MMP16: variants seen among roughly 807,000 people sequenced by gnomAD.
MMP16 encodes the protein matrix metallopeptidase 16.
A neutral mutation model predicts 67.8 loss-of-function variants in MMP16; 12 were observed. That is an observed-to-expected ratio of 0.18 (90% CI 0.11 to 0.29). MMP16 has a LOEUF of 0.29. MMP16 is among the 10% of genes least tolerant of loss of function. The probability of loss-of-function intolerance (pLI) is 1.00; values close to 1 mark genes in which losing one functional copy is unlikely to be tolerated. For missense variants in MMP16, 475 were observed against 765.7 expected (o/e 0.62, Z 4.48); for synonymous variants, 249 against 255.9 (o/e 0.97, Z 0.26).
intron 6 of MMP16, among the ~76,000 whole-genome samples, chr8:88,102,245 C>T (rs1170540289): frequency 1.3e-5 from 2 of 151,848 alleles, no homozygotes; most frequent in South Asian, 2.1e-4. Flanking sequence ...AGTGGCAACT[C>T]TGGACCCACA....
In MMP16 at chr8:88,071,652, T is replaced by C. The variant is rs566097794; in HGVS notation, c.1222+2953A>G. Among the ~76,000 whole-genome samples, 28 of 152,292 alleles carry C rather than the reference T, an allele frequency of 1.8e-4. No individual in the cohort carries two copies. In the South Asian group the frequency reaches 5.0e-3, roughly 27 times the overall value. On this transcript the variant is annotated intron_variant, in intron 7 of 9. Coordinates refer to ENST00000286614, the MANE Select transcript of MMP16 (RefSeq NM_005941.5). ...TGGCTGGTATAGGTTGACACCAACT[T>C]GTACATGGCTATAAGTACAGGTTGG...
At chr8:88,067,106 CTTAA>C (rs1234835944) in intron 7 of MMP16, among the ~76,000 whole-genome samples, 5 of 151,914 alleles carry the variant, frequency 3.3e-5, no homozygotes, top group South Asian at 2.1e-4. Context: ...TTTACTAAAA[CTTAA>C]TTAAATGTTC....
intron 3 of MMP16, chr8:88,186,235 T>C (rs766042235): frequency 2.5e-5 from 9 of 362,386 alleles, no homozygotes; most frequent in South Asian, 1.2e-4. Flanking sequence ...CCTCATAATA[T>C]TGACATTTAT....
At chr8:88,099,017 T>C (rs1809084578) in intron 6 of MMP16, among the ~76,000 whole-genome samples, 1 of 151,802 alleles carries the variant, frequency 6.6e-6, no homozygotes, top group African/African-American at 2.4e-5. Context: ...TTTTTTTCCT[T>C]AGAAATAAGT....
intron 1 of MMP16, among the ~76,000 whole-genome samples, chr8:88,262,329 A>G (rs1810399953): frequency 6.6e-6 from 1 of 152,188 alleles, no homozygotes; most frequent in South Asian, 2.1e-4. Flanking sequence ...CTGTGTTTGT[A>G]TTTGATTTGA....
chr8:88,159,957 CA>C (rs1229674710), intron 4 of MMP16, among the ~76,000 whole-genome samples: 1 of 147,962 alleles, frequency 6.8e-6, no homozygotes, highest in Non-Finnish European at 1.5e-5. Context: ...GTTTTTTTTT[CA>C]AATTATTTTA....
chr8:88,140,142 A>T (rs1039283542), intron 4 of MMP16, among the ~76,000 whole-genome samples: 1 of 152,058 alleles, frequency 6.6e-6, no homozygotes, highest in Admixed American at 6.6e-5. Flanking sequence ...GCTGGAGTCT[A>T]CTTCAAGGTA....
At chr8:88,283,814 T>C (rs1033707548) in intron 1 of MMP16, among the ~76,000 whole-genome samples, 14 of 152,290 alleles carry the variant, frequency 9.2e-5, no homozygotes, top group African/African-American at 3.1e-4. Context: ...TGTTTGGATA[T>C]ATTTTCTTCT....
At chr8:88,237,908 T>C (rs1434655277) in intron 1 of MMP16, among the ~76,000 whole-genome samples, 1 of 152,154 alleles carries the variant, frequency 6.6e-6, no homozygotes, top group Non-Finnish European at 1.5e-5. Flanking sequence ...ATAAGTACTA[T>C]AGCACATGAA....
At chr8:88,270,039 G>T in intron 1 of MMP16, among the ~76,000 whole-genome samples, 1 of 152,044 alleles carries the variant, frequency 6.6e-6, no homozygotes, top group Admixed American at 6.5e-5. Flanking sequence ...TAAACTGATG[G>T]GCTCATGTTC....
rs1207820642 is a variant in MMP16, at chr8:88,306,372, C to G, written c.132+20703G>C. ...CCAGAGATACAAAGAATAACTGGTA[C>G]CATTTCTGCTGAACTATTCCAAAAA... On this transcript the variant is annotated intron_variant, in intron 1 of 9. Transcript: ENST00000286614. Among the ~76,000 whole-genome samples the G allele has an allele frequency of 7.2e-5, 11 of 152,068 alleles. No homozygotes were observed. In the East Asian group the frequency reaches 2.1e-3, roughly 29 times the overall value.
intron 4 of MMP16, among the ~76,000 whole-genome samples, chr8:88,148,119 G>C (rs1232289545): frequency 6.6e-6 from 1 of 151,952 alleles, no homozygotes; most frequent in Admixed American, 6.6e-5. Flanking sequence ...TAATTGTTAT[G>C]ATTACATTTT....
chr8:88,088,042 AGATATCTAT>A (rs144658126), intron 6 of MMP16, among the ~76,000 whole-genome samples: 25,051 of 143,214 alleles, frequency 0.17, 2,869 homozygotes, highest in East Asian at 0.49. Flanking sequence ...ATAGATATAT[AGATATCTAT>A]TATATCTATA....
intron 1 of MMP16, among the ~76,000 whole-genome samples, chr8:88,206,337 A>C (rs1014742019): frequency 1.3e-5 from 2 of 152,142 alleles, no homozygotes; most frequent in Non-Finnish European, 2.9e-5. Flanking sequence ...GATGATGATG[A>C]TAAAAAAAAA....
At chr8:88,126,723 G>A (rs914872176) in intron 4 of MMP16, among the ~76,000 whole-genome samples, 2 of 151,668 alleles carry the variant, frequency 1.3e-5, no homozygotes, top group African/African-American at 2.4e-5. Flanking sequence ...AAGACATACC[G>A]TATTTAAAGT....
chr8:88,250,622 A>G (rs1810195109), intron 1 of MMP16, among the ~76,000 whole-genome samples: 1 of 151,994 alleles, frequency 6.6e-6, no homozygotes, highest in South Asian at 2.1e-4. Flanking sequence ...TCAAAAGACC[A>G]ATTAGTAGGG....
At chr8:88,162,977 T>C (rs755530501) in intron 4 of MMP16, among the ~76,000 whole-genome samples, 1 of 152,044 alleles carries the variant, frequency 6.6e-6, no homozygotes, top group Non-Finnish European at 1.5e-5. Flanking sequence ...TAATGCAGTA[T>C]TACCTCTTTC....
chr8:88,134,295 C>G lies in MMP16; in HGVS notation c.710-15434G>C, dbSNP rs28907606. 2.8e-3 allele frequency among the ~76,000 whole-genome samples: 421 copies of G among 151,816 alleles called. 2 individuals are homozygous for G. The highest frequency in any genetic ancestry group is 9.6e-3 in the African/African-American group (400 of 41,508). ...GTAGCTCTTAGATTATTAAAAGCAT[C>G]TTTCTTCACACTTACATAGATAAAG... On this transcript the variant is annotated intron_variant, in intron 4 of 9. Coordinates refer to ENST00000286614, the MANE Select transcript of MMP16 (RefSeq NM_005941.5).
At chr8:88,059,892 G>A (rs1467093199) in intron 7 of MMP16, among the ~76,000 whole-genome samples, 1 of 151,070 alleles carries the variant, frequency 6.6e-6, no homozygotes, top group African/African-American at 2.4e-5. Flanking sequence ...CGAAGCCTGA[G>A]AAGCCAAGAT....
Sources: allele counts gnomAD v4.1 joint callset (sites outside exome capture counted in the v4.1 genomes callset), GRCh38; gene constraint gnomAD v4.1.1; transcripts MANE v1.5; gene names NCBI Gene and HGNC (gene_info 2026-07-23, HGNC 2026-07-21).